SLC71A1: variants seen among roughly 807,000 people sequenced by gnomAD.
SLC71A1 encodes solute carrier family 71 member 1, also known as hippocampus abundant gene transcript 1.
At chr1:100,062,043 C>G in the SLC71A1 span, 1 of 718,308 alleles carries the variant, frequency 1.4e-6, no homozygotes, top group Admixed American at 3.2e-5. Context: ...CTTTGCATTA[C>G]AAGATTTTTG....
the SLC71A1 span, among the ~76,000 whole-genome samples, chr1:100,077,747 C>T: frequency 6.6e-6 from 1 of 152,176 alleles, no homozygotes; most frequent in Non-Finnish European, 1.5e-5. Context: ...TCTGACCAGT[C>T]GGGTTTCCTG....
the SLC71A1 span, among the ~76,000 whole-genome samples, chr1:100,064,873 T>C: frequency 6.6e-6 from 1 of 151,538 alleles, no homozygotes; most frequent in East Asian, 2.0e-4. Context: ...ACAGGCATGA[T>C]CCACCATGCC....
the SLC71A1 span, among the ~76,000 whole-genome samples, chr1:100,048,338 C>G: frequency 6.6e-6 from 1 of 152,180 alleles, no homozygotes; most frequent in Admixed American, 6.5e-5. Context: ...CGCCACCATG[C>G]CCAGCTAATT....
At chr1:100,051,616 C>T in the SLC71A1 span, among the ~76,000 whole-genome samples, 1 of 152,150 alleles carries the variant, frequency 6.6e-6, no homozygotes, top group East Asian at 1.9e-4. Context: ...TTGTAATAAC[C>T]TGTTTTTGTC....
chr1:100,046,221 T>TG, the SLC71A1 span, among the ~76,000 whole-genome samples: 2 of 97,650 alleles, frequency 2.0e-5, no homozygotes, highest in African/African-American at 9.2e-5. Flanking sequence ...CGTTTTTTTT[T>TG]TTTTTTTTTT....
At chr1:100,045,470 A>G in the SLC71A1 span, among the ~76,000 whole-genome samples, 58 of 152,126 alleles carry the variant, frequency 3.8e-4, no homozygotes, top group African/African-American at 1.3e-3. Context: ...CTCTTTTCCA[A>G]TTTGCATGCT....
At chr1:100,072,731 G>A in the SLC71A1 span, among the ~76,000 whole-genome samples, 2 of 152,084 alleles carry the variant, frequency 1.3e-5, no homozygotes, top group Non-Finnish European at 2.9e-5. Context: ...AGTAGTTGCT[G>A]TCCCCTTTGG....
chr1:100,047,986 T>G, the SLC71A1 span, among the ~76,000 whole-genome samples: 1 of 152,180 alleles, frequency 6.6e-6, no homozygotes, highest in Non-Finnish European at 1.5e-5. Flanking sequence ...ATATAAATTT[T>G]ATTTACATTG....
At chr1:100,080,396 G>A in the SLC71A1 span, 1 of 929,728 alleles carries the variant, frequency 1.1e-6, no homozygotes, top group East Asian at 2.4e-5. Context: ...CTGATAAGAA[G>A]CTTGATTTTA....
the SLC71A1 span, chr1:100,058,680 C>A: frequency 6.4e-7 from 1 of 1,569,896 alleles, no homozygotes; most frequent in Non-Finnish European, 8.8e-7. Context: ...TACATGAAAC[C>A]TTTCCTAAAC....
the SLC71A1 span, among the ~76,000 whole-genome samples, chr1:100,073,244 T>C: frequency 6.6e-6 from 1 of 152,244 alleles, no homozygotes; most frequent in Non-Finnish European, 1.5e-5. Flanking sequence ...ATCTTCCATC[T>C]GGTCTCTCTG....
the SLC71A1 span, among the ~76,000 whole-genome samples, chr1:100,067,573 G>C: frequency 9.2e-5 from 14 of 152,188 alleles, no homozygotes; most frequent in Non-Finnish European, 1.6e-4. Flanking sequence ...CCCTTCGGGA[G>C]GCTGAGGTGG....
the SLC71A1 span, chr1:100,068,125 CG>C: frequency 6.2e-7 from 1 of 1,614,162 alleles, no homozygotes; most frequent in Non-Finnish European, 8.5e-7. Context: ...GTGCCAGAGT[CG>C]TTGCCTGAGA....
the SLC71A1 span, among the ~76,000 whole-genome samples, chr1:100,049,739 C>G: frequency 1.3e-5 from 2 of 152,180 alleles, no homozygotes; most frequent in Non-Finnish European, 2.9e-5. Context: ...GTTGCCTTGT[C>G]TGTCCCTCTG....
the SLC71A1 span, chr1:100,077,359 A>G: frequency 1.4e-6 from 1 of 730,514 alleles, no homozygotes; most frequent in South Asian, 1.6e-5. Flanking sequence ...ACTGAGGGGT[A>G]GACTGTAATC....
the SLC71A1 span, chr1:100,059,854 AT>A: frequency 1.1e-5 from 18 of 1,580,464 alleles, no homozygotes; most frequent in South Asian, 4.7e-5. Flanking sequence ...TGTGGTATTC[AT>A]TTTTTTCATT....
chr1:100,061,528 T>C, the SLC71A1 span, among the ~76,000 whole-genome samples: 20 of 152,214 alleles, frequency 1.3e-4, no homozygotes, highest in African/African-American at 4.1e-4. Flanking sequence ...TTTAGTTTGT[T>C]GCTGTTTTTG....
chr1:100,073,870 G>C, the SLC71A1 span, among the ~76,000 whole-genome samples: 2 of 152,134 alleles, frequency 1.3e-5, no homozygotes, highest in African/African-American at 4.8e-5. Flanking sequence ...TTCAAAATGA[G>C]AGTTAAATTA....
chr1:100,050,898 A>G, the SLC71A1 span, among the ~76,000 whole-genome samples: 1 of 152,042 alleles, frequency 6.6e-6, no homozygotes, highest in Admixed American at 6.5e-5. Flanking sequence ...CAGCCTGGGC[A>G]ACATGGTAAA....
Sources: allele counts gnomAD v4.1 joint callset (sites outside exome capture counted in the v4.1 genomes callset), GRCh38; gene constraint gnomAD v4.1.1; transcripts MANE v1.5; gene names NCBI Gene and HGNC (gene_info 2026-07-23, HGNC 2026-07-21).